FAM193B: variants seen among roughly 807,000 people sequenced by gnomAD.
The protein encoded by FAM193B is family with sequence similarity 193 member B, also known as protein FAM193B.
In FAM193B, 27 loss-of-function variants were observed where a neutral mutation model predicts 70.7. That is an observed-to-expected ratio of 0.38 (90% CI 0.28 to 0.53). The LOEUF is 0.53. FAM193B is among the 20% of genes least tolerant of loss of function. FAM193B has a pLI of 0.81. For missense variants in FAM193B, 1,022 were observed against 1,072.5 expected, an observed-to-expected ratio of 0.95 and a Z score of 0.66; for synonymous variants, 448 against 436.0, an observed-to-expected ratio of 1.03 and a Z score of -0.34.
At position 177,524,007 on chromosome 5, in the gene FAM193B, C is replaced by T. The variant is rs2127447779; in HGVS notation, c.2322G>A (p.Met774Ile). The T allele has an allele frequency of 3.7e-6, 6 of 1,614,072 alleles. No individual in the cohort carries two copies. Among genetic ancestry groups the T allele is most frequent in the Middle Eastern group, 1.6e-4 (1 of 6,062 alleles). The change falls in exon 7 of 9, where the codon ATG (methionine) becomes ATA (isoleucine). Residue 774 changes from methionine to isoleucine, a missense_variant. By Grantham distance (10) the Met-to-Ile change is conservative. Transcript: ENST00000514747. ...SLDDVFLPKD[M>I]DGVEMDETDR... ...CAGTCTCATCCATCTCCACCCCGTC[C>T]ATGTCCTTGGGCAGGAACACATCGT...
intron 1 of FAM193B, chr5:177,553,070 G>A (rs972988468): frequency 1.9e-6 from 1 of 528,186 alleles, no homozygotes; most frequent in African/African-American, 2.1e-5. Context: ...ACCAGAGGGA[G>A]GCACAGAGGG....
Position 177,554,036 on chromosome 5 carries a change from T to C in FAM193B, c.210+213A>G, listed in dbSNP as rs1029573321. On this transcript the variant is annotated intron_variant, in intron 1 of 8. Coordinates refer to ENST00000514747, the MANE Select transcript of FAM193B (RefSeq NM_001190946.3). ...CGGGGAGAGGGGAGCAGCTTCAGCC[T>C]AGTCGCAGGAGCGCGGACCGAGCCT... The C allele has an allele frequency of 5.2e-6, 7 of 1,338,804 alleles. No homozygotes were observed. The African/African-American group carries it at 6.1e-5, about 12-fold the overall frequency. 82.9% of individuals were successfully genotyped at this position (1,338,804 alleles called of 1,614,324 possible). A position where few individuals can be genotyped will look rare whatever the true frequency, so the allele number is the denominator to read the frequency against.
chr5:177,543,911 T>G (rs552600953), intron 1 of FAM193B, among the ~76,000 whole-genome samples: 149 of 152,352 alleles, frequency 9.8e-4, no homozygotes, highest in African/African-American at 3.5e-3. Flanking sequence ...GAATGAAAAC[T>G]CCAACCATTT....
In FAM193B at chr5:177,538,893, G is replaced by A; in HGVS notation, c.453+12C>T. On this transcript the variant is annotated intron_variant, in intron 2 of 8. Transcript: ENST00000514747. This position sits in a 1 kb window ranked among gnomAD's most constrained non-coding sequence, Gnocchi z 4.1. ...CTCCTGCATTCAGGGACCCCTGTCAGCGGTTACCTACCGCCACTGCATGTT... is the reference window on the plus strand; with the variant it reads ...CTCCTGCATTCAGGGACCCCTGTCAACGGTTACCTACCGCCACTGCATGTT... The A allele has an allele frequency of 1.9e-6, 3 of 1,613,200 alleles. No individual in the cohort carries two copies. Among genetic ancestry groups the A allele is most frequent in the South Asian group, 2.2e-5 (2 of 91,034 alleles).
At position 177,521,997 on chromosome 5, in the gene FAM193B, GT is replaced by G; in HGVS notation, c.2446del (p.Thr816ProfsTer20). 1 of 1,614,002 alleles carries G rather than the reference GT, an allele frequency of 6.2e-7. No individual in the cohort carries two copies. Among genetic ancestry groups the G allele is most frequent in the Non-Finnish European group, 8.5e-7 (1 of 1,179,874 alleles). On this transcript the variant is annotated frameshift_variant, in exon 8 of 9. Transcript: ENST00000514747. LOFTEE classifies it high-confidence loss of function. ...VNWTNFSLKK[T>X]TPSTAQ The stretch of plus-strand genomic sequence containing the variant: ...ACCTCACTGAGCTGTGCTAGGAGTG[GT>G]TTTCTTGAGGCTGAAGTTGGTCCAG...
At chr5:177,537,540 G>A (rs116653689) in intron 3 of FAM193B, among the ~76,000 whole-genome samples, 1,531 of 152,330 alleles carry the variant, frequency 0.01, 30 homozygotes, top group African/African-American at 0.035. Context: ...CCTCTGTGGT[G>A]CTGCAGGGGT....
rs1764466391 is a variant in FAM193B, at chr5:177,538,591, C to T, written c.453+314G>A. ...GACCCTCAAACTCATCTCTGTCTCC[C>T]ATGTCATACTGGTTGGCTTTCAAGC... On this transcript the variant is annotated intron_variant, in intron 2 of 8. Coordinates refer to ENST00000514747, the MANE Select transcript of FAM193B (RefSeq NM_001190946.3). The surrounding 1 kb of genome is among the most constrained non-coding windows in gnomAD (Gnocchi z 4.1). 6.6e-6 allele frequency among the ~76,000 whole-genome samples: 1 copy of T among 152,210 alleles called. No homozygotes were observed. The highest frequency in any genetic ancestry group is 2.4e-5 in the African/African-American group (1 of 41,450).
intron 4 of FAM193B, among the ~76,000 whole-genome samples, chr5:177,533,465 C>T (rs543363277): frequency 4.7e-4 from 72 of 152,168 alleles, no homozygotes; most frequent in African/African-American, 1.7e-3. Context: ...CAACCACGCC[C>T]GGCTAATTTT....
intron 1 of FAM193B, among the ~76,000 whole-genome samples, chr5:177,546,787 G>A (rs559313689): frequency 6.6e-6 from 1 of 152,282 alleles, no homozygotes; most frequent in South Asian, 2.1e-4. Context: ...GCTCGGTTGG[G>A]AGTGAGTCTC....
In FAM193B at chr5:177,535,651, C is replaced by A. The variant is rs115526739; in HGVS notation, c.1076+707G>T. Among the ~76,000 whole-genome samples, 1,369 of 152,262 alleles carry A rather than the reference C, an allele frequency of 9.0e-3. 25 individuals are homozygous for A. Among genetic ancestry groups the A allele is most frequent in the African/African-American group, 0.032 (1,312 of 41,530 alleles). ...AGGAATAGGGGAATGATAAAGTATG[C>A]TTGAGCTATACAGTAAGACATTATA... On this transcript the variant is annotated intron_variant, in intron 4 of 8. Transcript: ENST00000514747.
At chr5:177,524,132 C>T (rs1762202690) in intron 6 of FAM193B, 53 bp downstream of exon 6, 1 of 1,603,186 alleles carries the variant, frequency 6.2e-7, no homozygotes, top group South Asian at 1.1e-5. Context: ...GCCCCTCCAC[C>T]CCGTGGACTG....
chr5:177,524,243 C>T lies in FAM193B; in HGVS notation c.2238G>A (p.Gln746=), dbSNP rs779506758. 3.9e-6 allele frequency: 6 copies of T among 1,552,718 alleles called. No individual in the cohort carries two copies. Among genetic ancestry groups the T allele is most frequent in the African/African-American group, 1.4e-5 (1 of 72,956 alleles). Residue 746 remains glutamine (Q), a synonymous_variant, in exon 6 of 9, where the codon CAG becomes CAA. Transcript: ENST00000514747. ...SGPARPQSLP[Q]GKGRSRRSRN... Reference sequence around the variant, plus strand: ...GGCTCCGGCGGCTGCGGCCCTTGCCCTGGGGCAAGCTCTGTGGCCTTGCTG... The same window carrying T: ...GGCTCCGGCGGCTGCGGCCCTTGCCTTGGGGCAAGCTCTGTGGCCTTGCTG...
chr5:177,522,087 G>T lies in FAM193B; in HGVS notation c.2373-16C>A. The T allele has an allele frequency of 1.9e-6, 3 of 1,603,920 alleles. No homozygotes were observed. The highest frequency in any genetic ancestry group is 1.1e-5 in the South Asian group (1 of 90,774). The stretch of plus-strand genomic sequence containing the variant: ...CAAACAGAACCTGTTGGGTTTGGGG[G>T]ACACATGAGAAGCACAATCAGAGGT... On this transcript the variant is annotated splice_polypyrimidine_tract_variant and intron_variant, in intron 7 of 8. Coordinates refer to ENST00000514747, the MANE Select transcript of FAM193B (RefSeq NM_001190946.3).
intron 4 of FAM193B, among the ~76,000 whole-genome samples, chr5:177,534,134 C>T (rs981156476): frequency 6.6e-6 from 1 of 152,160 alleles, no homozygotes; most frequent in African/African-American, 2.4e-5. Flanking sequence ...GGAGGCCCAG[C>T]TTCCAGGGCA....
At chr5:177,542,960 T>C (rs768890803) in intron 1 of FAM193B, among the ~76,000 whole-genome samples, 5 of 152,180 alleles carry the variant, frequency 3.3e-5, no homozygotes, top group Non-Finnish European at 7.3e-5. Flanking sequence ...GGTGTCCCCA[T>C]GGCAATGCAG....
chr5:177,533,168 G>A (rs1373249583), intron 4 of FAM193B, among the ~76,000 whole-genome samples: 1 of 152,178 alleles, frequency 6.6e-6, no homozygotes, highest in African/African-American at 2.4e-5. Flanking sequence ...TTTCTAAGGT[G>A]CTTCTGAGCA....
Position 177,529,506 on chromosome 5 carries a change from G to T in FAM193B, c.1275+2937C>A, listed in dbSNP as rs79034149. On this transcript the variant is annotated intron_variant, in intron 5 of 8. Transcript: ENST00000514747. ...CGACTAAGTCTGGAAAGGCAGGGCT[G>T]CCTGGTTCTGCCTGGGCCTGCCAGA... 9.0e-3 allele frequency among the ~76,000 whole-genome samples: 1,368 copies of T among 152,206 alleles called. 25 individuals are homozygous for T. Among genetic ancestry groups the T allele is most frequent in the African/African-American group, 0.032 (1,311 of 41,538 alleles).
At chr5:177,535,924 T>A (rs1173055734) in intron 4 of FAM193B, among the ~76,000 whole-genome samples, 1 of 144,102 alleles carries the variant, frequency 6.9e-6, no homozygotes, top group African/African-American at 2.5e-5. Context: ...ACATACTATT[T>A]TTTTTTTTTT....
intron 5 of FAM193B, chr5:177,531,592 C>T (rs1763472329): frequency 1.7e-6 from 2 of 1,155,688 alleles, no homozygotes; most frequent in Admixed American, 3.3e-5. Context: ...CTCCCACGGG[C>T]ACCAAGTATG....
Sources: allele counts gnomAD v4.1 joint callset (sites outside exome capture counted in the v4.1 genomes callset), GRCh38; gene constraint gnomAD v4.1.1; non-coding constraint Gnocchi (gnomAD v3.1); transcripts MANE v1.5; gene names NCBI Gene and HGNC (gene_info 2026-07-23, HGNC 2026-07-21).